The following LRRC7 variants were observed in gnomAD, a reference collection of about 807,000 sequenced individuals.
LRRC7 encodes the protein leucine-rich repeat-containing protein 7.
Under a neutral mutation model 175.7 loss-of-function variants are expected in LRRC7, and 23 were observed. That is an observed-to-expected ratio of 0.13 (90% CI 0.09 to 0.19). The LOEUF is 0.19. Ranked by LOEUF, LRRC7 falls within the 10% of genes least tolerant of loss-of-function variation. LRRC7 has a pLI of 1.00. For missense variants in LRRC7, 1,354 were observed against 1,904.7 expected, an observed-to-expected ratio of 0.71 and a Z score of 5.38; for synonymous variants, 685 against 680.9, an observed-to-expected ratio of 1.01 and a Z score of -0.09.
At chr1:69,781,709 A>AAG (rs1427627359) in intron 3 of LRRC7, among the ~76,000 whole-genome samples, 1 of 29,308 alleles carries the variant, frequency 3.4e-5, no homozygotes, top group Non-Finnish European at 5.9e-5. Context: ...GAAAGAAAGA[A>AAG]AGAAAGAAAG....
At chr1:69,930,779 T>C (rs1370425374) in intron 7 of LRRC7, among the ~76,000 whole-genome samples, 1 of 152,164 alleles carries the variant, frequency 6.6e-6, no homozygotes, top group Non-Finnish European at 1.5e-5. Flanking sequence ...GCACATCTTA[T>C]ATGGCAGCAG....
chr1:70,114,617 G>A (rs1665734507), intron 26 of LRRC7, among the ~76,000 whole-genome samples: 1 of 152,198 alleles, frequency 6.6e-6, no homozygotes, highest in African/African-American at 2.4e-5. Context: ...AAGCCCAGGA[G>A]GTTGAGGCTG....
At chr1:70,024,984 C>G (rs1342890166) in intron 17 of LRRC7, among the ~76,000 whole-genome samples, 1 of 151,976 alleles carries the variant, frequency 6.6e-6, no homozygotes, top group Non-Finnish European at 1.5e-5. Flanking sequence ...ACATTTTAAA[C>G]TTACAGTATT....
At chr1:70,055,371 A>G (rs573199035) in intron 23 of LRRC7, among the ~76,000 whole-genome samples, 1 of 152,318 alleles carries the variant, frequency 6.6e-6, no homozygotes, top group South Asian at 2.1e-4. Context: ...GCACTCTGAC[A>G]GCTTTTCAGA....
At chr1:69,834,987 A>G in intron 6 of LRRC7, 118 bp downstream of exon 6, 1 of 699,890 alleles carries the variant, frequency 1.4e-6, no homozygotes, top group Non-Finnish European at 2.3e-6. Context: ...CCTCATTATT[A>G]TTCAATAAAT....
intron 8 of LRRC7, among the ~76,000 whole-genome samples, chr1:69,934,751 G>A (rs1232991852): frequency 6.6e-6 from 1 of 152,028 alleles, no homozygotes; most frequent in Non-Finnish European, 1.5e-5. Flanking sequence ...AACACTATTA[G>A]GCTGATGTAT....
chr1:69,691,412 TTATC>T (rs1661842479), intron 2 of LRRC7, among the ~76,000 whole-genome samples: 1 of 152,184 alleles, frequency 6.6e-6, no homozygotes, highest in South Asian at 2.1e-4. Context: ...CGCATCCTAT[TTATC>T]TGTCTGTCAC....
intron 8 of LRRC7, among the ~76,000 whole-genome samples, chr1:69,945,910 G>A (rs1649258770): frequency 6.6e-6 from 1 of 152,076 alleles, no homozygotes; most frequent in Non-Finnish European, 1.5e-5. Flanking sequence ...ATATACAAGA[G>A]CATGTCATCT....
rs1236026184 is a variant in LRRC7, at chr1:70,143,198, A to ACTT, written c.*21312_*21314dup. 2.0e-5 allele frequency: 3 copies of ACTT among 147,236 alleles called. No homozygotes were observed. Among genetic ancestry groups the ACTT allele is most frequent in the Admixed American group, 6.8e-5 (1 of 14,692 alleles). 9.1% of individuals were successfully genotyped at this position (147,236 alleles called of 1,614,324 possible). A position where few individuals can be genotyped will look rare whatever the true frequency, so the allele number is the denominator to read the frequency against. The stretch of plus-strand genomic sequence containing the variant: ...TTTTAGTAAAATGAAGAGTCTCTAG[A>ACTT]CTTTTTTTTTTTTTTTAATGATCTC... On this transcript the variant is annotated 3_prime_UTR_variant, in exon 27 of 27. Transcript: ENST00000651989.
chr1:70,036,055 C>A, intron 18 of LRRC7, 66 bp from the exon 19 acceptor site: 1 of 1,230,470 alleles, frequency 8.1e-7, no homozygotes, highest in Non-Finnish European at 1.1e-6. Flanking sequence ...AATAAAGATA[C>A]TGCCACTTTG....
At chr1:69,685,854 A>T (rs1661075936) in intron 2 of LRRC7, among the ~76,000 whole-genome samples, 1 of 152,048 alleles carries the variant, frequency 6.6e-6, no homozygotes, top group Non-Finnish European at 1.5e-5. Flanking sequence ...AAAAGACGTA[A>T]ATCTAGATAT....
At chr1:70,116,546 CAAA>C (rs11336931) in intron 26 of LRRC7, among the ~76,000 whole-genome samples, 174 of 104,876 alleles carry the variant, frequency 1.7e-3, no homozygotes, top group African/African-American at 5.1e-3. Flanking sequence ...GACTCCATGT[CAAA>C]AAAAAAAAAA....
chr1:69,571,242 C>A (rs1295713506), intron 1 of LRRC7, among the ~76,000 whole-genome samples: 1 of 152,190 alleles, frequency 6.6e-6, no homozygotes, highest in East Asian at 1.9e-4. Flanking sequence ...GAATTAGAAA[C>A]AACTTCATAA....
At chr1:69,576,056 A>T (rs1370668181) in intron 1 of LRRC7, among the ~76,000 whole-genome samples, 2 of 129,598 alleles carry the variant, frequency 1.5e-5, no homozygotes, top group Admixed American at 1.7e-4. Context: ...ATATAGTGAG[A>T]TGTTGTATCT....
At chr1:70,069,487 G>A (rs1383699664) in intron 23 of LRRC7, among the ~76,000 whole-genome samples, 2 of 152,092 alleles carry the variant, frequency 1.3e-5, no homozygotes, top group Non-Finnish European at 2.9e-5. Context: ...ATTTTGGGTG[G>A]GGACACAGCC....
At chr1:69,811,671 C>T (rs572648775) in intron 4 of LRRC7, among the ~76,000 whole-genome samples, 1 of 152,142 alleles carries the variant, frequency 6.6e-6, no homozygotes, top group African/African-American at 2.4e-5. Context: ...AACACTGGAA[C>T]AGAAAATCAA....
At chr1:69,915,250 A>C (rs1355990321) in intron 7 of LRRC7, among the ~76,000 whole-genome samples, 3 of 152,202 alleles carry the variant, frequency 2.0e-5, no homozygotes, top group African/African-American at 7.2e-5. Flanking sequence ...CCTGAAGTGA[A>C]TATTGGGAGC....
At chr1:69,819,599 G>A (rs1570126535) in intron 4 of LRRC7, among the ~76,000 whole-genome samples, 1 of 151,474 alleles carries the variant, frequency 6.6e-6, no homozygotes, top group African/African-American at 2.4e-5. Flanking sequence ...GTGTGTGTGT[G>A]TGTGTGTGTG....
intron 1 of LRRC7, among the ~76,000 whole-genome samples, chr1:69,587,811 G>T (rs1646463242): frequency 6.6e-6 from 1 of 152,138 alleles, no homozygotes; most frequent in Admixed American, 6.5e-5. Flanking sequence ...GACGTGCCTT[G>T]CTTCCCCTTC....
Sources: allele counts gnomAD v4.1 joint callset (sites outside exome capture counted in the v4.1 genomes callset), GRCh38; gene constraint gnomAD v4.1.1; transcripts MANE v1.5; gene names NCBI Gene and HGNC (gene_info 2026-07-23, HGNC 2026-07-21).